ASL: variants seen among roughly 807,000 people sequenced by gnomAD.
ASL encodes argininosuccinase.
In ASL, 51 loss-of-function variants were observed where a neutral mutation model predicts 69.1. The observed-to-expected ratio is 0.74, with a 90% CI of 0.59 to 0.93. The LOEUF (loss-of-function observed/expected upper bound fraction) is 0.93. Ranked by LOEUF, ASL falls within the 40% of genes least tolerant of loss-of-function variation. The pLI is 0.00. For synonymous variants in ASL, 241 were observed against 247.6 expected (o/e 0.97, Z 0.25); for missense variants, 540 against 623.9 (o/e 0.87, Z 1.43).
intron 14 of ASL, chr7:66,091,732 A>C: frequency 2.1e-6 from 1 of 477,296 alleles, no homozygotes; most frequent in African/African-American, 2.0e-5. Flanking sequence ...ACAGAAAACA[A>C]ATCCTCCAGG....
intron 15 of ASL, among the ~76,000 whole-genome samples, chr7:66,092,288 T>C (rs997162406): frequency 9.9e-5 from 15 of 151,820 alleles, no homozygotes; most frequent in African/African-American, 3.1e-4. Context: ...CCCGTCTCTT[T>C]TGATGTAAAA....
intron 2 of ASL, among the ~76,000 whole-genome samples, chr7:66,077,309 T>C (rs1054076523): frequency 1.3e-5 from 2 of 152,202 alleles, no homozygotes; most frequent in East Asian, 3.9e-4. Flanking sequence ...CGTACACCTG[T>C]AGTCTCACAG....
In ASL at chr7:66,087,713, C is replaced by T. The variant is rs753304575; in HGVS notation, c.656-16C>T. ...CCTGTCCTCCAGCTTAGCCCTGCTTCCTCCCACCCCCCCAGAACTCAACTT... is the reference window on the plus strand; with the variant it reads ...CCTGTCCTCCAGCTTAGCCCTGCTTTCTCCCACCCCCCCAGAACTCAACTT... On this transcript the variant is annotated splice_polypyrimidine_tract_variant and intron_variant, in intron 9 of 16. Coordinates refer to ENST00000304874, the MANE Select transcript of ASL (RefSeq NM_000048.4). 1 of 1,614,058 alleles carries T rather than the reference C, an allele frequency of 6.2e-7. No individual in the cohort carries two copies. Among genetic ancestry groups the T allele is most frequent in the South Asian group, 1.1e-5 (1 of 91,088 alleles).
chr7:66,087,708 T>C (rs1043358171), intron 9 of ASL, 21 bp from the exon 10 acceptor site: 1 of 1,613,864 alleles, frequency 6.2e-7, no homozygotes, highest in African/African-American at 1.3e-5. Flanking sequence ...AGCTTAGCCC[T>C]GCTTCCTCCC....
At position 66,089,628 on chromosome 7, in the gene ASL, T is replaced by G; in HGVS notation, c.995T>G (p.Val332Gly). Reference protein sequence around the residue: ...NKDLQEDKEAVFEVSDTMSAV... With the variant: ...NKDLQEDKEAGFEVSDTMSAV... ...GCCTCCCAGGAGGACAAGGAAGCTG[T>G]GTTTGAAGTGTCAGACACTATGAGT... Residue 332 changes from valine to glycine, a missense_variant, in exon 14 of 17, where the codon GTG (valine) becomes GGG (glycine). Val to Gly is a moderately radical substitution (Grantham distance 109). Coordinates refer to ENST00000304874, the MANE Select transcript of ASL (RefSeq NM_000048.4). 6.2e-7 allele frequency: 1 copy of G among 1,613,784 alleles called. No individual in the cohort carries two copies. The highest frequency in any genetic ancestry group is 8.5e-7 in the Non-Finnish European group (1 of 1,179,986).
At chr7:66,076,170 A>C in intron 2 of ASL, 77 bp downstream of exon 2, 1 of 1,540,752 alleles carries the variant, frequency 6.5e-7, no homozygotes, top group South Asian at 1.2e-5. Flanking sequence ...GCCTCGGGCC[A>C]CCCTGCTGGG....
At position 66,089,249 on chromosome 7, in the gene ASL, A is replaced by C. The variant is rs749306006; in HGVS notation, c.919-27A>C. 9 of 1,611,250 alleles carry C rather than the reference A, an allele frequency of 5.6e-6. No homozygotes were observed. In the East Asian group the frequency reaches 2.0e-4, roughly 36 times the overall value. On this transcript the variant is annotated intron_variant, in intron 12 of 16. Transcript: ENST00000304874. ...GCCAGGGGGGCAGGATCCCGGGTCC[A>C]GCCCCTGTGCCTCCCTCTTCCCGCA...
chr7:66,088,753 G>C, intron 10 of ASL, 54 bp from the exon 11 acceptor site: 1 of 1,498,750 alleles, frequency 6.7e-7, no homozygotes, highest in East Asian at 2.3e-5. Flanking sequence ...CCCCTGTATG[G>C]TCAGGCTGGG....
At chr7:66,080,336 A>G (rs1316220969) in intron 2 of ASL, among the ~76,000 whole-genome samples, 2 of 149,018 alleles carry the variant, frequency 1.3e-5, no homozygotes, top group East Asian at 2.0e-4. Context: ...CAGTGAGCCA[A>G]GATCCTGCCA....
chr7:66,092,226 C>A (rs1480956194), intron 15 of ASL, 140 bp downstream of exon 15: 2 of 1,005,732 alleles, frequency 2.0e-6, no homozygotes, highest in East Asian at 2.5e-5. Flanking sequence ...CCGAGGTGGG[C>A]GGGTCACTTG....
rs372611875 is a variant in ASL, at chr7:66,089,188, G to C, written c.918+13G>C. The C allele has an allele frequency of 2.4e-5, 38 of 1,613,642 alleles. No homozygotes were observed. The highest frequency in any genetic ancestry group is 3.1e-5 in the Non-Finnish European group (37 of 1,179,924). ...TGTGTTTGGGCGGGTGAGCAAGGCAGGGGGAGGGGCGGGGCCTCTGGGCTG... is the reference window on the plus strand; with the variant it reads ...TGTGTTTGGGCGGGTGAGCAAGGCACGGGGAGGGGCGGGGCCTCTGGGCTG... On this transcript the variant is annotated intron_variant, in intron 12 of 16. Transcript: ENST00000304874.
At chr7:66,077,950 T>C (rs1018300035) in intron 2 of ASL, among the ~76,000 whole-genome samples, 1 of 152,128 alleles carries the variant, frequency 6.6e-6, no homozygotes, top group Non-Finnish European at 1.5e-5. Flanking sequence ...CACCTCACTC[T>C]GATCTCCCTG....
chr7:66,085,883 C>T (rs1278395706), intron 6 of ASL, among the ~76,000 whole-genome samples: 9 of 152,080 alleles, frequency 5.9e-5, no homozygotes, highest in Non-Finnish European at 1.0e-4. Flanking sequence ...GCTGGGATTA[C>T]AGGCGTGAGT....
chr7:66,078,558 A>G (rs890942730), intron 2 of ASL, among the ~76,000 whole-genome samples: 1 of 151,986 alleles, frequency 6.6e-6, no homozygotes, highest in Non-Finnish European at 1.5e-5. Context: ...TATGTATGCA[A>G]TTTGCAAATA....
intron 4 of ASL, 132 bp downstream of exon 4, chr7:66,082,583 A>G: frequency 2.7e-6 from 3 of 1,104,082 alleles, no homozygotes; most frequent in Non-Finnish European, 4.0e-6. Flanking sequence ...GACATGAGCC[A>G]GGCACCCTGG....
intron 9 of ASL, 38 bp downstream of exon 9, chr7:66,087,424 C>T (rs776613796): frequency 1.9e-6 from 3 of 1,602,176 alleles, no homozygotes; most frequent in South Asian, 1.1e-5. Flanking sequence ...GGAGAATCAC[C>T]CTCAGCACCC....
intron 2 of ASL, 116 bp downstream of exon 2, chr7:66,076,209 A>G (rs1044115896): frequency 8.7e-6 from 12 of 1,374,542 alleles, no homozygotes; most frequent in African/African-American, 1.4e-5. Flanking sequence ...AATTTTGAAA[A>G]TTACCTAGGA....
intron 14 of ASL, among the ~76,000 whole-genome samples, chr7:66,089,930 C>T (rs1174424493): frequency 6.6e-6 from 1 of 152,148 alleles, no homozygotes; most frequent in Non-Finnish European, 1.5e-5. Flanking sequence ...GACCAGAACT[C>T]TTTAAAAAAA....
chr7:66,092,651 T>C lies in ASL; in HGVS notation c.1238T>C (p.Leu413Pro). Residue 413 changes from leucine (L) to proline (P), a missense_variant, in exon 16 of 17, where the codon CTG (leucine) becomes CCG (proline). Transcript: ENST00000304874. ...CTCAACCAGCTGTCACTGCAGGAGC[T>C]GCAGACCATCAGGTACGGCCCATCC... The part of the protein sequence containing the change: ...VALNQLSLQE[L>P]QTISPLFSGD... 1 of 1,613,768 alleles carries C rather than the reference T, an allele frequency of 6.2e-7. No individual in the cohort carries two copies. The highest frequency in any genetic ancestry group is 8.5e-7 in the Non-Finnish European group (1 of 1,179,988).
Sources: allele counts gnomAD v4.1 joint callset (sites outside exome capture counted in the v4.1 genomes callset), GRCh38; gene constraint gnomAD v4.1.1; transcripts MANE v1.5; gene names NCBI Gene and HGNC (gene_info 2026-07-23, HGNC 2026-07-21).